The following BCKDHB variants were observed in gnomAD, a reference collection of about 807,000 sequenced individuals.
BCKDHB encodes 2-oxoisovalerate dehydrogenase subunit beta, mitochondrial.
BCKDHB carries 41 observed loss-of-function variants against 48.5 expected under a neutral mutation model. That is an observed-to-expected ratio of 0.85 (90% CI 0.66 to 1.10). The LOEUF (loss-of-function observed/expected upper bound fraction) is 1.10, where lower values mean the gene tolerates loss of function less well. Ranked by LOEUF, BCKDHB falls within the 50% of genes least tolerant of loss-of-function variation. The pLI is 0.00. For missense variants in BCKDHB, 496 were observed against 494.2 expected (o/e 1.00, Z -0.03); for synonymous variants, 201 against 174.8 (o/e 1.15, Z -1.18).
chr6:80,400,459 T>C, the BCKDHB span, among the ~76,000 whole-genome samples: 1 of 151,554 alleles, frequency 6.6e-6, no homozygotes, highest in Admixed American at 6.6e-5. Context: ...CACCAAAAAA[T>C]CATATAAAAA....
chr6:80,398,759 G>A, the BCKDHB span, among the ~76,000 whole-genome samples: 1 of 151,070 alleles, frequency 6.6e-6, no homozygotes, highest in Non-Finnish European at 1.5e-5. Flanking sequence ...GAATTATCTT[G>A]ATACCAAAAC....
chr6:80,335,567 T>TGGTA (rs1355807959), intron 9 of BCKDHB, among the ~76,000 whole-genome samples: 4 of 152,206 alleles, frequency 2.6e-5, no homozygotes, highest in African/African-American at 9.6e-5. Context: ...AACAAAAGCA[T>TGGTA]GGTAGCCCAG....
At chr6:80,353,165 T>C in the BCKDHB span, among the ~76,000 whole-genome samples, 4 of 152,224 alleles carry the variant, frequency 2.6e-5, no homozygotes, top group Admixed American at 6.5e-5. Flanking sequence ...GATATTTGAC[T>C]TTCTGTGTCT....
At chr6:80,244,951 A>T (rs546729549) in intron 8 of BCKDHB, among the ~76,000 whole-genome samples, 1 of 152,212 alleles carries the variant, frequency 6.6e-6, no homozygotes, top group Non-Finnish European at 1.5e-5. Context: ...ATTGAATTCA[A>T]TTCAACAAAC....
At chr6:80,154,600 T>C (rs1413296604) in intron 3 of BCKDHB, among the ~76,000 whole-genome samples, 1 of 152,150 alleles carries the variant, frequency 6.6e-6, no homozygotes, top group East Asian at 1.9e-4. Context: ...AGTAATTGAA[T>C]TTCTTGGCAA....
At chr6:80,114,910 A>G (rs1369802586) in intron 1 of BCKDHB, among the ~76,000 whole-genome samples, 1 of 152,212 alleles carries the variant, frequency 6.6e-6, no homozygotes, top group Non-Finnish European at 1.5e-5. Flanking sequence ...GCTTAAAGGA[A>G]GGGAAGCACC....
the BCKDHB span, among the ~76,000 whole-genome samples, chr6:80,386,212 A>C: frequency 6.6e-6 from 1 of 152,036 alleles, no homozygotes; most frequent in Non-Finnish European, 1.5e-5. Context: ...TCTAGATGTC[A>C]GATCTAATGG....
At chr6:80,366,263 A>G in the BCKDHB span, among the ~76,000 whole-genome samples, 4 of 152,206 alleles carry the variant, frequency 2.6e-5, no homozygotes, top group Non-Finnish European at 5.9e-5. Flanking sequence ...TTGAATTTCC[A>G]TCTCTCAGCA....
the BCKDHB span, among the ~76,000 whole-genome samples, chr6:80,411,440 TTCTG>T: frequency 5.3e-5 from 8 of 152,170 alleles, no homozygotes; most frequent in Non-Finnish European, 8.8e-5. Context: ...TGAGGAGGCA[TTCTG>T]TCTGTTCTCA....
At chr6:80,384,771 T>C in the BCKDHB span, among the ~76,000 whole-genome samples, 1 of 152,158 alleles carries the variant, frequency 6.6e-6, no homozygotes, top group Non-Finnish European at 1.5e-5. Context: ...CCTCTTTATA[T>C]ATATCTTATT....
chr6:80,361,337 T>C, the BCKDHB span, among the ~76,000 whole-genome samples: 1 of 152,218 alleles, frequency 6.6e-6, no homozygotes, highest in African/African-American at 2.4e-5. Flanking sequence ...CTCCTGCTCT[T>C]CCATTGGGAC....
intron 8 of BCKDHB, among the ~76,000 whole-genome samples, chr6:80,262,375 C>A (rs150136707): frequency 7.1e-4 from 108 of 152,210 alleles, no homozygotes; most frequent in African/African-American, 2.6e-3. Context: ...CAAACACACA[C>A]GCACACACAT....
chr6:80,401,406 G>C, the BCKDHB span, among the ~76,000 whole-genome samples: 1 of 151,220 alleles, frequency 6.6e-6, no homozygotes, highest in African/African-American at 2.4e-5. Flanking sequence ...TTTTTTCTTT[G>C]TGTTTAGAAC....
chr6:80,258,306 G>C (rs1365376323), intron 8 of BCKDHB, among the ~76,000 whole-genome samples: 1 of 152,190 alleles, frequency 6.6e-6, no homozygotes, highest in East Asian at 1.9e-4. Flanking sequence ...GGTGCCTGAG[G>C]AGAAACGGTC....
chr6:80,250,618 C>T (rs1188107347), intron 8 of BCKDHB, among the ~76,000 whole-genome samples: 2 of 152,108 alleles, frequency 1.3e-5, no homozygotes, highest in African/African-American at 2.4e-5. Context: ...ATTGGAATGA[C>T]TAAGGACATT....
the BCKDHB span, among the ~76,000 whole-genome samples, chr6:80,382,858 C>G: frequency 6.6e-6 from 1 of 152,232 alleles, no homozygotes; most frequent in South Asian, 2.1e-4. Flanking sequence ...TAGCAGTTAG[C>G]AAATTCTTTT....
At chr6:80,368,746 C>T in the BCKDHB span, among the ~76,000 whole-genome samples, 1 of 151,872 alleles carries the variant, frequency 6.6e-6, no homozygotes, top group African/African-American at 2.4e-5. Context: ...CATGGTGGCT[C>T]ACACCTGTAA....
chr6:80,205,470 A>G (rs1184234125), intron 8 of BCKDHB, among the ~76,000 whole-genome samples: 2 of 152,074 alleles, frequency 1.3e-5, no homozygotes, highest in African/African-American at 4.8e-5. Flanking sequence ...CGTTGAACAC[A>G]CATTATCATA....
chr6:80,335,640 T>G (rs3812114), intron 9 of BCKDHB, among the ~76,000 whole-genome samples: 41,374 of 152,006 alleles, frequency 0.27, 5,787 homozygotes, highest in Non-Finnish European at 0.31. Context: ...TTTTAGACTT[T>G]GAACTTTTAA....
Sources: allele counts gnomAD v4.1 joint callset (sites outside exome capture counted in the v4.1 genomes callset), GRCh38; gene constraint gnomAD v4.1.1; transcripts MANE v1.5; gene names NCBI Gene and HGNC (gene_info 2026-07-23, HGNC 2026-07-21).